Variants in NOL4L observed in about 807,000 individuals in gnomAD.
NOL4L encodes the protein nucleolar protein 4-like.
Under a neutral mutation model 64.5 loss-of-function variants are expected in NOL4L, and 7 were observed. The ratio of observed to expected loss-of-function variants is 0.11; its 90% CI spans 0.06 to 0.20. The LOEUF is 0.20. NOL4L is among the 10% of genes least tolerant of loss of function. The probability of loss-of-function intolerance (pLI) is 1.00; values close to 1 mark genes in which losing one functional copy is unlikely to be tolerated. For synonymous variants in NOL4L, 413 were observed against 401.0 expected (o/e 1.03, Z -0.36); for missense variants, 680 against 967.1 (o/e 0.70, Z 3.94).
At chr20:32,467,494 G>A (rs969051800) in intron 5 of NOL4L, among the ~76,000 whole-genome samples, 4 of 152,200 alleles carry the variant, frequency 2.6e-5, no homozygotes, top group African/African-American at 7.2e-5. Context: ...ATGCCGCTGA[G>A]GGTGGCTGTG....
chr20:32,448,705 G>A (rs1015684157), intron 10 of NOL4L, among the ~76,000 whole-genome samples: 12 of 152,144 alleles, frequency 7.9e-5, no homozygotes, highest in African/African-American at 2.4e-4. Context: ...CTTTGTCCTC[G>A]GATGATGGCA....
chr20:32,493,391 C>T (rs1393821029), intron 4 of NOL4L, among the ~76,000 whole-genome samples: 1 of 152,064 alleles, frequency 6.6e-6, no homozygotes, highest in Non-Finnish European at 1.5e-5. Flanking sequence ...GCATGGGGAC[C>T]TTTCTGGGGC....
At chr20:32,534,560 A>C (rs547347647) in intron 1 of NOL4L, among the ~76,000 whole-genome samples, 2 of 152,246 alleles carry the variant, frequency 1.3e-5, no homozygotes, top group African/African-American at 4.8e-5. Flanking sequence ...AGCCTTAATA[A>C]ATTCAGTCAG....
intron 4 of NOL4L, among the ~76,000 whole-genome samples, chr20:32,479,246 G>A (rs1473217025): frequency 7.2e-5 from 11 of 152,242 alleles, no homozygotes; most frequent in Non-Finnish European, 2.9e-5. Flanking sequence ...CAAGTCCAGA[G>A]GGCCATGCTG....
intron 4 of NOL4L, among the ~76,000 whole-genome samples, chr20:32,494,403 C>T (rs1253283799): frequency 6.6e-6 from 1 of 152,056 alleles, no homozygotes; most frequent in Non-Finnish European, 1.5e-5. Flanking sequence ...CAGAAGGCCC[C>T]CAACAATTGC....
At chr20:32,478,273 ACT>A (rs11469154) in intron 4 of NOL4L, among the ~76,000 whole-genome samples, 17,178 of 142,932 alleles carry the variant, frequency 0.12, 1,238 homozygotes, top group Admixed American at 0.21. Flanking sequence ...ACACACACAC[ACT>A]CTCTCTCTCT....
intron 1 of NOL4L, among the ~76,000 whole-genome samples, chr20:32,579,867 C>G (rs988738782): frequency 1.3e-5 from 2 of 151,412 alleles, no homozygotes; most frequent in South Asian, 4.2e-4. Flanking sequence ...TTCCAAAAGC[C>G]CCCCCAGGAC....
intron 4 of NOL4L, among the ~76,000 whole-genome samples, chr20:32,488,285 G>A (rs1217969249): frequency 6.6e-6 from 1 of 152,082 alleles, no homozygotes; most frequent in Admixed American, 6.5e-5. Flanking sequence ...CTCCAAGATG[G>A]CCCATGATGA....
chr20:32,551,059 A>T (rs568882131), intron 1 of NOL4L, among the ~76,000 whole-genome samples: 1 of 151,732 alleles, frequency 6.6e-6, no homozygotes, highest in African/African-American at 2.4e-5. Context: ...CCATCTCAAA[A>T]AATAATAATA....
intron 1 of NOL4L, among the ~76,000 whole-genome samples, chr20:32,564,494 G>A (rs1346861461): frequency 6.6e-6 from 1 of 152,184 alleles, no homozygotes; most frequent in African/African-American, 2.4e-5. Context: ...TGCTGAGCTT[G>A]TACTATTCTA....
intron 4 of NOL4L, among the ~76,000 whole-genome samples, chr20:32,489,043 G>T (rs920082636): frequency 1.1e-5 from 1 of 87,706 alleles, no homozygotes; most frequent in African/African-American, 4.5e-5. Context: ...TTGCAAATAT[G>T]TTTTCCTTTT....
intron 1 of NOL4L, among the ~76,000 whole-genome samples, chr20:32,549,486 C>T (rs769040854): frequency 1.3e-5 from 2 of 152,198 alleles, no homozygotes; most frequent in Non-Finnish European, 2.9e-5. Context: ...GGCATGGTGG[C>T]TCATGCCTGT....
rs768125702 is a variant in NOL4L, at chr20:32,474,634, G to T, written c.808C>A (p.Arg270=). The T allele has an allele frequency of 1.2e-6, 2 of 1,613,182 alleles. No individual in the cohort carries two copies. Among genetic ancestry groups the T allele is most frequent in the African/African-American group, 1.3e-5 (1 of 74,928 alleles). Residue 270 remains arginine (R), a synonymous_variant, in exon 5 of 11, where the codon CGG becomes AGG. Coordinates refer to ENST00000621426, the MANE Select transcript of NOL4L (RefSeq NM_001256798.2). ...TGACTGTGGAGGTTCTGCGGGCTCCGCATCCTCTCGTCCTGGCTGGGGCTC... is the reference window on the plus strand; with the variant it reads ...TGACTGTGGAGGTTCTGCGGGCTCCTCATCCTCTCGTCCTGGCTGGGGCTC... ...SLSPSQDERM[R]SPQNLHSQED...
In NOL4L at chr20:32,541,782, C is replaced by T. The variant is rs141509014; in HGVS notation, c.322-13869G>A. Among the ~76,000 whole-genome samples the T allele has an allele frequency of 1.9e-3, 293 of 152,358 alleles. 4 individuals are homozygous for T. The highest frequency in any genetic ancestry group is 6.7e-3 in the African/African-American group (277 of 41,590). On this transcript the variant is annotated intron_variant, in intron 1 of 10. Coordinates refer to ENST00000621426, the MANE Select transcript of NOL4L (RefSeq NM_001256798.2). ...TCCCCTCTGTCCATGCCCAGGACGTCGCTTTAGGACTAAATGGAGATGTAA... is the reference window on the plus strand; with the variant it reads ...TCCCCTCTGTCCATGCCCAGGACGTTGCTTTAGGACTAAATGGAGATGTAA...
chr20:32,488,827 T>TTCTTTCTTTCTTTCTTTCTTTCTTTC (rs11483298), intron 4 of NOL4L, among the ~76,000 whole-genome samples: 2 of 33,152 alleles, frequency 6.0e-5, no homozygotes, highest in South Asian at 8.1e-4. Flanking sequence ...CTTTCTTTCT[T>TTCTTTCTTTCTTTCTTTCTTTCTTTC]TTTCTTTCTT....
rs1368049950 is a variant in NOL4L at position 32,494,370 on chromosome 20, T to A, written c.699+16977A>T. Among the ~76,000 whole-genome samples the A allele has an allele frequency of 2.0e-5, 3 of 151,466 alleles. No homozygotes were observed. In the East Asian group the frequency reaches 5.8e-4, roughly 29 times the overall value. ...CCCTGTGTGCTGAGGAACTGAGTTC[T>A]GTGTCTGGGGGTACCCAGCACACAG... is the stretch of plus-strand genomic sequence containing the variant. On this transcript the variant is annotated intron_variant, in intron 4 of 10. Transcript: ENST00000621426.
intron 10 of NOL4L, among the ~76,000 whole-genome samples, chr20:32,448,928 G>A (rs1160155818): frequency 6.6e-6 from 1 of 152,224 alleles, no homozygotes; most frequent in East Asian, 1.9e-4. Flanking sequence ...GGCGGCTCCT[G>A]CGAGCAGAAG....
At chr20:32,498,930 AGTGCAGTG>A (rs928576198) in intron 4 of NOL4L, among the ~76,000 whole-genome samples, 2 of 152,162 alleles carry the variant, frequency 1.3e-5, no homozygotes, top group Admixed American at 6.5e-5. Context: ...CCTAGGCTGG[AGTGCAGTG>A]GTGCAATCTC....
In NOL4L at chr20:32,557,197, G is replaced by A. The variant is rs558924644; in HGVS notation, c.321+27373C>T. Among the ~76,000 whole-genome samples the A allele has an allele frequency of 4.6e-5, 7 of 152,296 alleles. No individual in the cohort carries two copies. In the South Asian group the frequency reaches 6.2e-4, roughly 14 times the overall value. ...TGCATAAAGTGGGGTCCACCCTCAC[G>A]CATCCCTGCCCTGGCCACGAAGCAG... On this transcript the variant is annotated intron_variant, in intron 1 of 10. Transcript: ENST00000621426.
Sources: allele counts gnomAD v4.1 joint callset (sites outside exome capture counted in the v4.1 genomes callset), GRCh38; gene constraint gnomAD v4.1.1; transcripts MANE v1.5; gene names NCBI Gene and HGNC (gene_info 2026-07-23, HGNC 2026-07-21).